MEMO1: variants seen among roughly 807,000 people sequenced by gnomAD.
The protein encoded by MEMO1 is mediator of cell motility 1, also known as protein MEMO1.
A neutral mutation model predicts 45.2 loss-of-function variants in MEMO1; 6 were observed. The observed-to-expected ratio is 0.13, with a 90% confidence interval of 0.07 to 0.26. The LOEUF (loss-of-function observed/expected upper bound fraction) is 0.26. Ranked by LOEUF, MEMO1 falls within the 10% of genes least tolerant of loss-of-function variation. The pLI, the probability that MEMO1 is intolerant of heterozygous loss-of-function variation, is 1.00. For missense variants in MEMO1, 184 were observed against 370.5 expected (o/e 0.50, Z 4.13); for synonymous variants, 78 against 124.3 (o/e 0.63, Z 2.48).
chr2:31,890,155 A>G (rs1414319258), intron 7 of MEMO1, among the ~76,000 whole-genome samples: 5 of 152,192 alleles, frequency 3.3e-5, no homozygotes, highest in Non-Finnish European at 5.9e-5. Context: ...TCCACAGAAA[A>G]GAGCAATATT....
At chr2:31,886,653 G>T (rs1473635219) in intron 7 of MEMO1, among the ~76,000 whole-genome samples, 1 of 151,944 alleles carries the variant, frequency 6.6e-6, no homozygotes, top group African/African-American at 2.4e-5. Flanking sequence ...ATAAGTTTTT[G>T]TGTTTCTGAC....
At chr2:31,989,404 C>T (rs964455971) in intron 2 of MEMO1, among the ~76,000 whole-genome samples, 2 of 152,074 alleles carry the variant, frequency 1.3e-5, no homozygotes, top group Non-Finnish European at 2.9e-5. Context: ...AGAATGGTGA[C>T]GATATTAACA....
intron 2 of MEMO1, among the ~76,000 whole-genome samples, chr2:31,983,849 A>G (rs1326390900): frequency 6.6e-6 from 1 of 152,262 alleles, no homozygotes; most frequent in Non-Finnish European, 1.5e-5. Context: ...AGCATCTTGA[A>G]GAAAGCAAGA....
chr2:31,903,966 A>G (rs575586972), intron 6 of MEMO1, among the ~76,000 whole-genome samples: 11 of 152,278 alleles, frequency 7.2e-5, no homozygotes, highest in African/African-American at 2.4e-4. Context: ...ACTTTTCTCT[A>G]TTTCTAACAT....
chr2:31,905,428 T>C (rs552401529), intron 6 of MEMO1, among the ~76,000 whole-genome samples: 1 of 152,344 alleles, frequency 6.6e-6, no homozygotes, highest in African/African-American at 2.4e-5. Context: ...TTTTTAAATC[T>C]TTCCAAATTT....
At chr2:31,897,249 C>T (rs1466870049) in intron 6 of MEMO1, among the ~76,000 whole-genome samples, 1 of 152,178 alleles carries the variant, frequency 6.6e-6, no homozygotes, top group East Asian at 1.9e-4. Context: ...ACAGAATTTC[C>T]AATACTATGT....
At chr2:31,923,701 A>G (rs1184256364) in intron 4 of MEMO1, 8 of 1,547,916 alleles carry the variant, frequency 5.2e-6, no homozygotes, top group Admixed American at 2.0e-5. Context: ...GACAGAGAGA[A>G]AGGATATTTA....
intron 8 of MEMO1, among the ~76,000 whole-genome samples, chr2:31,872,180 A>G (rs1017145024): frequency 6.6e-6 from 1 of 152,230 alleles, no homozygotes; most frequent in Non-Finnish European, 1.5e-5. Flanking sequence ...TGATCAAGAT[A>G]TAACTCCCCT....
chr2:31,931,293 T>C (rs1213701453), intron 4 of MEMO1, among the ~76,000 whole-genome samples: 1 of 152,212 alleles, frequency 6.6e-6, no homozygotes, highest in Non-Finnish European at 1.5e-5. Context: ...ATGGCTGCTA[T>C]GAGCTATTTC....
At chr2:32,010,766 C>G (rs1315854126) in intron 1 of MEMO1, among the ~76,000 whole-genome samples, 176 bp downstream of exon 1, 1 of 151,566 alleles carries the variant, frequency 6.6e-6, no homozygotes, top group Non-Finnish European at 1.5e-5. Flanking sequence ...CCGCCCCGCT[C>G]CTCCTCCCGG....
At chr2:31,982,926 G>C (rs1266290003) in intron 2 of MEMO1, among the ~76,000 whole-genome samples, 1 of 151,942 alleles carries the variant, frequency 6.6e-6, no homozygotes, top group Non-Finnish European at 1.5e-5. Context: ...GGAGAAATGA[G>C]TACAAACTCA....
intron 6 of MEMO1, among the ~76,000 whole-genome samples, chr2:31,899,629 G>C (rs1210552973): frequency 6.6e-6 from 1 of 152,194 alleles, no homozygotes; most frequent in Admixed American, 6.5e-5. Context: ...CATGGGCAAA[G>C]TCTTCATGAC....
At chr2:31,988,535 G>C (rs1375594828) in intron 2 of MEMO1, among the ~76,000 whole-genome samples, 1 of 152,040 alleles carries the variant, frequency 6.6e-6, no homozygotes, top group Non-Finnish European at 1.5e-5. Flanking sequence ...GACAAAGCAA[G>C]ACTCTGTCTC....
At chr2:31,928,457 G>A (rs1184921013) in intron 4 of MEMO1, among the ~76,000 whole-genome samples, 1 of 150,226 alleles carries the variant, frequency 6.7e-6, no homozygotes, top group East Asian at 2.0e-4. Context: ...TGAGGCAGGA[G>A]AATCACTTGA....
intron 2 of MEMO1, among the ~76,000 whole-genome samples, chr2:31,994,968 G>A (rs979071259): frequency 4.0e-5 from 6 of 150,500 alleles, no homozygotes; most frequent in Admixed American, 2.0e-4. Flanking sequence ...GAGGAAAAGA[G>A]GGAGAGAGGA....
chr2:31,902,513 A>C (rs1411396168), intron 6 of MEMO1, among the ~76,000 whole-genome samples: 2 of 152,152 alleles, frequency 1.3e-5, no homozygotes, highest in Non-Finnish European at 2.9e-5. Context: ...TGCCACTCAC[A>C]AGCTGCTACC....
chr2:32,003,459 T>C (rs1374782620), intron 2 of MEMO1, among the ~76,000 whole-genome samples: 2 of 152,186 alleles, frequency 1.3e-5, no homozygotes, highest in African/African-American at 4.8e-5. Flanking sequence ...AGGGACTTGT[T>C]ACATAGGGTA....
chr2:31,980,598 T>C (rs1486916806), intron 2 of MEMO1, among the ~76,000 whole-genome samples: 1 of 152,216 alleles, frequency 6.6e-6, no homozygotes, highest in African/African-American at 2.4e-5. Context: ...CAAACTATTT[T>C]ACCAATCCTA....
chr2:31,974,190 C>A (rs899747210), intron 2 of MEMO1, among the ~76,000 whole-genome samples: 2 of 150,304 alleles, frequency 1.3e-5, no homozygotes, highest in Non-Finnish European at 3.0e-5. Flanking sequence ...AGGGGCACTT[C>A]CTTTATTCAC....
Sources: gnomAD v4.1 joint callset for allele counts (sites outside exome capture counted in the v4.1 genomes callset) on GRCh38, gnomAD v4.1.1 for gene constraint, MANE v1.5 for transcripts, NCBI Gene and HGNC (gene_info 2026-07-23, HGNC 2026-07-21) for gene names.